Variants in A4GNT observed in about 807,000 individuals in gnomAD.
A4GNT encodes alpha-1,4-N-acetylglucosaminyltransferase.
Under a neutral mutation model 8.3 loss-of-function variants are expected in A4GNT, and 6 were observed. The ratio of observed to expected loss-of-function variants is 0.72; its 90% CI spans 0.39 to 1.42. A4GNT has a LOEUF of 1.42. Ranked by LOEUF, A4GNT falls within the 40% of genes most tolerant of loss-of-function variation. The pLI is 0.02. For missense variants in A4GNT, 377 were observed against 417.0 expected (o/e 0.90, Z 0.84); for synonymous variants, 157 against 159.8 (o/e 0.98, Z 0.13).
chr3:138,129,501 G>T (rs1351270792), intron 2 of A4GNT, among the ~76,000 whole-genome samples: 1 of 152,182 alleles, frequency 6.6e-6, no homozygotes, highest in East Asian at 1.9e-4. Context: ...ATGCAGCCCT[G>T]CCAGCAGTTT....
rs774614227 is a variant in A4GNT at position 138,124,324 on chromosome 3, C to T, written c.963G>A (p.Arg321=). 6.2e-7 allele frequency: 1 copy of T among 1,614,218 alleles called. No individual in the cohort carries two copies. The highest frequency in any genetic ancestry group is 1.1e-5 in the South Asian group (1 of 91,084). The stretch of plus-strand genomic sequence containing the variant: ...ACCCCTCTGGGCCTTTAATCAGGTC[C>T]CTGTAAGTCCTGGGACAGTGCTTGC... ...LYRKHCPRTY[R]DLIKGPEGSV... Residue 321 remains arginine (R), a synonymous_variant, in exon 3 of 3, where the codon AGG becomes AGA. Transcript: ENST00000236709.
intron 2 of A4GNT, among the ~76,000 whole-genome samples, chr3:138,129,315 C>T (rs2042763415): frequency 2.0e-5 from 3 of 152,094 alleles, no homozygotes; most frequent in Non-Finnish European, 4.4e-5. Context: ...GCCCTAAATG[C>T]AATCACAAGT....
In A4GNT at chr3:138,123,976, T is replaced by C. The variant is rs1437420309; in HGVS notation, c.*288A>G. On this transcript the variant is annotated 3_prime_UTR_variant, in exon 3 of 3. Transcript: ENST00000236709. ...AGTGTTATACGGTACTTGCAGGAAG[T>C]CTTCACAAAATAAAGCAAGTGCACC... is the stretch of plus-strand genomic sequence containing the variant. 3 of 365,066 alleles carry C rather than the reference T, an allele frequency of 8.2e-6. No homozygotes were observed. The highest frequency in any genetic ancestry group is 5.4e-5 in the East Asian group (1 of 18,440). 22.6% of individuals were successfully genotyped at this position (365,066 alleles called of 1,614,324 possible). A position where few individuals can be genotyped will look rare whatever the true frequency, so the allele number is the denominator to read the frequency against.
rs2042735336 is a variant in A4GNT at position 138,124,744 on chromosome 3, A to G, written c.543T>C (p.Phe181=). The change falls in exon 3 of 3, where the codon TTT becomes TTC. Residue 181 remains phenylalanine, a synonymous_variant. Coordinates refer to ENST00000236709, the MANE Select transcript of A4GNT (RefSeq NM_016161.3). ...AGTACCGAGAAGCCTGCGCAGCCAA[A>G]AAGTTCTCCTCAGGGATGGGCCTGA... ...ISIRPIPEEN[F]LAAQASRYSS... is the part of the protein sequence containing the mutation. 1.2e-6 allele frequency: 2 copies of G among 1,614,178 alleles called. No homozygotes were observed. Among genetic ancestry groups the G allele is most frequent in the East Asian group, 4.5e-5 (2 of 44,892 alleles).
At chr3:138,125,454 C>T (rs1207116603) in intron 2 of A4GNT, among the ~76,000 whole-genome samples, 1 of 152,158 alleles carries the variant, frequency 6.6e-6, no homozygotes, top group Non-Finnish European at 1.5e-5. Flanking sequence ...AAGGATACAG[C>T]AGTGAACAAA....
At chr3:138,125,937 G>A (rs920515498) in intron 2 of A4GNT, among the ~76,000 whole-genome samples, 1 of 152,150 alleles carries the variant, frequency 6.6e-6, no homozygotes, top group Admixed American at 6.5e-5. Flanking sequence ...TTGGAGAGGG[G>A]TGGGGAGGGA....
chr3:138,129,192 C>T (rs1192194023), intron 2 of A4GNT, among the ~76,000 whole-genome samples: 3 of 152,122 alleles, frequency 2.0e-5, no homozygotes, highest in Non-Finnish European at 4.4e-5. Context: ...ATAATGGCTA[C>T]CCAAAGACCT....
intron 1 of A4GNT, among the ~76,000 whole-genome samples, 177 bp downstream of exon 1, chr3:138,132,035 T>C (rs1353921739): frequency 6.6e-6 from 1 of 152,212 alleles, no homozygotes; most frequent in African/African-American, 2.4e-5. Context: ...AAAGTATCTC[T>C]AGGTTCAGAA....
chr3:138,130,124 A>G (rs1011373071), intron 2 of A4GNT, among the ~76,000 whole-genome samples: 1 of 151,750 alleles, frequency 6.6e-6, no homozygotes, highest in African/African-American at 2.4e-5. Context: ...GTTTTTGCAT[A>G]ACTTAAATCG....
chr3:138,124,846 G>A lies in A4GNT; in HGVS notation c.441C>T (p.His147=), dbSNP rs1476492849. 6 of 1,612,918 alleles carry A rather than the reference G, an allele frequency of 3.7e-6. No homozygotes were observed. The highest frequency in any genetic ancestry group is 5.1e-6 in the Non-Finnish European group (6 of 1,179,640). The change falls in exon 3 of 3, where the codon CAC becomes CAT. Residue 147 remains histidine (H), a synonymous_variant. Transcript: ENST00000236709. ...CCAGGCGGGATGCATCCGAGCTGAT[G>A]TGGAGCCAGTTTCTCTCTGCGCTGG... The part of the protein sequence containing the change: ...INASAERNWL[H]ISSDASRLAI...
chr3:138,133,067 A>T (rs1358135033), upstream of A4GNT, among the ~76,000 whole-genome samples: 1 of 152,156 alleles, frequency 6.6e-6, no homozygotes, highest in African/African-American at 2.4e-5. Context: ...TCTTCTTTGG[A>T]GCCATCCTCT....
In A4GNT at chr3:138,130,938, A is replaced by G; in HGVS notation, c.319T>C (p.Phe107Leu). The G allele has an allele frequency of 6.2e-7, 1 of 1,614,168 alleles. No homozygotes were observed. Among genetic ancestry groups the G allele is most frequent in the Non-Finnish European group, 8.5e-7 (1 of 1,180,026 alleles). Residue 107 changes from phenylalanine (F) to leucine (L), a missense_variant, in exon 2 of 3, where the codon TTC becomes CTC. Transcript: ENST00000236709. Reference sequence around the variant, plus strand: ...AAAACGTTGTCTATTGCTGACAGGAAGGAAAAAGCTGGGTATGTGGAGTTT... The same window carrying G: ...AAAACGTTGTCTATTGCTGACAGGAGGGAAAAAGCTGGGTATGTGGAGTTT... ...PSNSTYPAFS[F>L]LSAIDNVFLF... is the part of the protein sequence containing the mutation.
Position 138,124,042 on chromosome 3 carries a change from G to T in A4GNT, c.*222C>A. On this transcript the variant is annotated 3_prime_UTR_variant, in exon 3 of 3. Coordinates refer to ENST00000236709, the MANE Select transcript of A4GNT (RefSeq NM_016161.3). ...ATCCTACTGCCTGAAATGCAAACAT[G>T]GTGGGTTGGAGGTCAAGCAGTCAAA... The T allele has an allele frequency of 1.8e-6, 1 of 540,724 alleles. No homozygotes were observed. The highest frequency in any genetic ancestry group is 3.1e-6 in the Non-Finnish European group (1 of 318,166). 33.5% of individuals were successfully genotyped at this position (540,724 alleles called of 1,614,324 possible).
intron 2 of A4GNT, among the ~76,000 whole-genome samples, chr3:138,128,681 C>T (rs1277181110): frequency 6.6e-6 from 1 of 152,038 alleles, no homozygotes; most frequent in African/African-American, 2.4e-5. Context: ...GTTAGTCTAG[C>T]CCAGGCATCA....
chr3:138,126,959 A>G (rs1335046282), intron 2 of A4GNT, among the ~76,000 whole-genome samples: 4 of 149,694 alleles, frequency 2.7e-5, no homozygotes, highest in East Asian at 4.0e-4. Context: ...GTGAAACCCT[A>G]TCTCTACTAA....
intron 2 of A4GNT, among the ~76,000 whole-genome samples, chr3:138,127,575 A>C (rs2724688): frequency 0.21 from 30,825 of 149,564 alleles, 3,540 homozygotes; most frequent in Middle Eastern, 0.29. Context: ...CTCCGTCTCA[A>C]AAAAAAAAAA....
At chr3:138,130,256 T>C (rs929486070) in intron 2 of A4GNT, among the ~76,000 whole-genome samples, 2 of 152,324 alleles carry the variant, frequency 1.3e-5, no homozygotes, top group East Asian at 1.9e-4. Context: ...AATCATTGAG[T>C]TGTTGTACTA....
rs545330561 is a variant in A4GNT, at chr3:138,131,163, A to C, written c.94T>G (p.Cys32Gly). 1.2e-6 allele frequency: 2 copies of C among 1,613,418 alleles called. No individual in the cohort carries two copies. The highest frequency in any genetic ancestry group is 2.7e-5 in the African/African-American group (2 of 74,954). Reference sequence around the variant, plus strand: ...TGGTGGGACTTGAAAGAAGGCAAACAGAAGAGGCAGCTGGACTTCAGGGTG... The same window carrying C: ...TGGTGGGACTTGAAAGAAGGCAAACCGAAGAGGCAGCTGGACTTCAGGGTG... The part of the protein sequence containing the change: ...QFTLKSSCLF[C>G]LPSFKSHQGL... The change falls in exon 2 of 3, where the codon TGT becomes GGT. Residue 32 changes from cysteine (C) to glycine (G), a missense_variant. Transcript: ENST00000236709.
In A4GNT at chr3:138,131,265, C is replaced by T; in HGVS notation, c.-9G>A. On this transcript the variant is annotated 5_prime_UTR_variant, in exon 2 of 3. Coordinates refer to ENST00000236709, the MANE Select transcript of A4GNT (RefSeq NM_016161.3). ...TGGAGCTCCTTCCGCATGTCCTCTTCTCTGTGCCAGCCTGCTCCTTTAAAT... is the reference window on the plus strand; with the variant it reads ...TGGAGCTCCTTCCGCATGTCCTCTTTTCTGTGCCAGCCTGCTCCTTTAAAT... 7 of 1,565,282 alleles carry T rather than the reference C, an allele frequency of 4.5e-6. No individual in the cohort carries two copies. Among genetic ancestry groups the T allele is most frequent in the Non-Finnish European group, 6.1e-6 (7 of 1,149,120 alleles).
Sources: allele counts gnomAD v4.1 joint callset (sites outside exome capture counted in the v4.1 genomes callset), GRCh38; gene constraint gnomAD v4.1.1; transcripts MANE v1.5; gene names NCBI Gene and HGNC (gene_info 2026-07-23, HGNC 2026-07-21).